EXOSC4: variants seen among roughly 807,000 people sequenced by gnomAD.
The protein encoded by EXOSC4 is exosome component 4.
In EXOSC4, 14 loss-of-function variants were observed where a neutral mutation model predicts 20.0. The ratio of observed to expected loss-of-function variants is 0.70; its 90% CI spans 0.46 to 1.09. The LOEUF (loss-of-function observed/expected upper bound fraction) is 1.09. Ranked by LOEUF, EXOSC4 falls within the 50% of genes least tolerant of loss-of-function variation. The probability of loss-of-function intolerance (pLI) is 0.00; values close to 1 mark genes in which losing one functional copy is unlikely to be tolerated. For missense variants in EXOSC4, 337 were observed against 334.0 expected (o/e 1.01, Z -0.07); for synonymous variants, 148 against 146.4 (o/e 1.01, Z -0.08).
rs776416022 is a variant in EXOSC4 at position 144,080,194 on chromosome 8, G to A, written c.378+45G>A. On this transcript the variant is annotated intron_variant, in intron 2 of 2. Transcript: ENST00000316052. The surrounding 1 kb of genome is among the most constrained non-coding windows in gnomAD (Gnocchi z 4.9). ...CAATCCAGGGAGGGAAGGGTGTGAT[G>A]GGGTTGGGGAGGGAGTCTGATAGAC... 5.0e-6 allele frequency: 8 copies of A among 1,608,324 alleles called. No individual in the cohort carries two copies. The highest frequency in any genetic ancestry group is 6.8e-6 in the Non-Finnish European group (8 of 1,175,952).
the EXOSC4 span, among the ~76,000 whole-genome samples, chr8:144,065,153 G>A: frequency 6.6e-6 from 1 of 152,086 alleles, no homozygotes; most frequent in African/African-American, 2.4e-5. Flanking sequence ...CCTCCAATCT[G>A]TCTTTAAAGG....
At chr8:144,069,461 G>A in the EXOSC4 span, among the ~76,000 whole-genome samples, 58 of 152,326 alleles carry the variant, frequency 3.8e-4, no homozygotes, top group Non-Finnish European at 6.9e-4. Context: ...TGCTTGGCTT[G>A]CAGCCACATC....
chr8:144,070,841 AT>A, the EXOSC4 span, among the ~76,000 whole-genome samples: 13 of 151,058 alleles, frequency 8.6e-5, no homozygotes, highest in South Asian at 2.1e-4. Flanking sequence ...AAAAAAAAAA[AT>A]TTTTTTTTCA....
chr8:144,074,745 AT>A (rs1159345990), upstream of EXOSC4, among the ~76,000 whole-genome samples: 1 of 151,288 alleles, frequency 6.6e-6, no homozygotes, highest in Non-Finnish European at 1.5e-5. Context: ...TAATTTTTAA[AT>A]TTTTTTTTGT....
chr8:144,064,231 G>A, the EXOSC4 span, among the ~76,000 whole-genome samples: 1 of 152,258 alleles, frequency 6.6e-6, no homozygotes, highest in Non-Finnish European at 1.5e-5. Flanking sequence ...CCAAGCCCAG[G>A]TGTGTCGTGG....
At chr8:144,079,835 T>C (rs1564302198) in intron 1 of EXOSC4, 108 bp from the exon 2 acceptor site, 2 of 1,052,152 alleles carry the variant, frequency 1.9e-6, no homozygotes, top group East Asian at 4.7e-5. Flanking sequence ...GGTAACGCAG[T>C]TGCCCCTTGC....
At chr8:144,064,969 G>A in the EXOSC4 span, among the ~76,000 whole-genome samples, 2 of 151,398 alleles carry the variant, frequency 1.3e-5, no homozygotes, top group South Asian at 2.1e-4. Context: ...AGCCTGCCAA[G>A]TAGCTGGGAC....
chr8:144,071,523 T>C, the EXOSC4 span, among the ~76,000 whole-genome samples: 1 of 148,210 alleles, frequency 6.7e-6, no homozygotes, highest in Non-Finnish European at 1.5e-5. Context: ...ACCAGGCTGA[T>C]CTCGAACTCC....
the EXOSC4 span, among the ~76,000 whole-genome samples, chr8:144,065,167 A>G: frequency 4.6e-5 from 7 of 152,128 alleles, no homozygotes; most frequent in African/African-American, 1.7e-4. Context: ...TTAAAGGGAC[A>G]CTTCTGCACA....
chr8:144,073,614 A>G, the EXOSC4 span, among the ~76,000 whole-genome samples: 4 of 152,090 alleles, frequency 2.6e-5, no homozygotes, highest in Non-Finnish European at 4.4e-5. Flanking sequence ...CCACTTTGGG[A>G]GGCCAAAGCA....
At chr8:144,067,942 G>T in the EXOSC4 span, among the ~76,000 whole-genome samples, 6 of 152,226 alleles carry the variant, frequency 3.9e-5, no homozygotes, top group African/African-American at 1.2e-4. Flanking sequence ...AGAGGCGGAG[G>T]TTCAACCTGC....
At chr8:144,068,678 C>G in the EXOSC4 span, among the ~76,000 whole-genome samples, 1 of 152,376 alleles carries the variant, frequency 6.6e-6, no homozygotes, top group South Asian at 2.1e-4. Flanking sequence ...TTGATCAGAA[C>G]AGGGGGAATC....
chr8:144,080,168 TCAATCCAGGGAGGGAAGG>T lies in EXOSC4; in HGVS notation c.378+20_378+37del. 1 of 1,608,082 alleles carries T rather than the reference TCAATCCAGGGAGGGAAGG, an allele frequency of 6.2e-7. No individual in the cohort carries two copies. The highest frequency in any genetic ancestry group is 8.5e-7 in the Non-Finnish European group (1 of 1,175,518). ...TGTGCAGGTGAGCCAGCTGCAGCCG[TCAATCCAGGGAGGGAAGG>T]GTGTGATGGGGTTGGGGAGGGAGTC... On this transcript the variant is annotated intron_variant, in intron 2 of 2. Coordinates refer to ENST00000316052, the MANE Select transcript of EXOSC4 (RefSeq NM_019037.3). The surrounding 1 kb of genome is among the most constrained non-coding windows in gnomAD (Gnocchi z 4.9).
In EXOSC4 at chr8:144,080,222, A is replaced by G; in HGVS notation, c.379-20A>G. 2 of 1,610,822 alleles carry G rather than the reference A, an allele frequency of 1.2e-6. No homozygotes were observed. Among genetic ancestry groups the G allele is most frequent in the Non-Finnish European group, 1.7e-6 (2 of 1,177,754 alleles). ...GTTGGGGAGGGAGTCTGATAGACTG[A>G]CACCCTGGGTTCCCTGCAGGTGCTA... On this transcript the variant is annotated intron_variant, in intron 2 of 2. Coordinates refer to ENST00000316052, the MANE Select transcript of EXOSC4 (RefSeq NM_019037.3). The surrounding 1 kb of genome is among the most constrained non-coding windows in gnomAD (Gnocchi z 4.9).
the EXOSC4 span, among the ~76,000 whole-genome samples, chr8:144,071,289 G>A: frequency 6.5e-5 from 3 of 46,054 alleles, no homozygotes; most frequent in South Asian, 1.1e-3. Flanking sequence ...CCCCTCCTCC[G>A]CTCCCCTCTC....
At chr8:144,067,489 G>A in the EXOSC4 span, among the ~76,000 whole-genome samples, 1 of 152,022 alleles carries the variant, frequency 6.6e-6, no homozygotes, top group Admixed American at 6.6e-5. Flanking sequence ...TAAAAATACT[G>A]GAAAGCAAAG....
At chr8:144,077,339 C>T (rs1472867230), upstream of EXOSC4, among the ~76,000 whole-genome samples, 1 of 152,148 alleles carries the variant, frequency 6.6e-6, no homozygotes, top group Non-Finnish European at 1.5e-5. Flanking sequence ...AAAAGGGCTC[C>T]ACAATAAGCA....
chr8:144,073,101 G>A, the EXOSC4 span, among the ~76,000 whole-genome samples: 39 of 152,368 alleles, frequency 2.6e-4, no homozygotes, highest in South Asian at 5.8e-3. Context: ...AAGACCTCAA[G>A]TGTGGCCAGC....
At chr8:144,069,433 C>T in the EXOSC4 span, among the ~76,000 whole-genome samples, 1 of 152,244 alleles carries the variant, frequency 6.6e-6, no homozygotes, top group Admixed American at 6.5e-5. Flanking sequence ...TCTTCCAGTT[C>T]CTGGTGTGTG....
Sources: allele counts gnomAD v4.1 joint callset (sites outside exome capture counted in the v4.1 genomes callset), GRCh38; gene constraint gnomAD v4.1.1; non-coding constraint Gnocchi (gnomAD v3.1); transcripts MANE v1.5; gene names NCBI Gene and HGNC (gene_info 2026-07-23, HGNC 2026-07-21).